PMF1: variants seen among roughly 807,000 people sequenced by gnomAD.
The protein encoded by PMF1 is polyamine modulated factor 1.
A neutral mutation model predicts 26.7 loss-of-function variants in PMF1; 21 were observed. The ratio of observed to expected loss-of-function variants is 0.79; its 90% CI spans 0.56 to 1.13. The LOEUF is 1.13. Among genes scored for constraint, PMF1 ranks in the 50% most tolerant of loss-of-function variants. The pLI is 0.00. For missense variants in PMF1, 266 were observed against 254.9 expected, an observed-to-expected ratio of 1.04 and a Z score of -0.30; for synonymous variants, 105 against 101.0, an observed-to-expected ratio of 1.04 and a Z score of -0.24.
At chr1:156,232,973 G>C (rs1658805967) in intron 2 of PMF1, among the ~76,000 whole-genome samples, 1 of 139,660 alleles carries the variant, frequency 7.2e-6, no homozygotes, top group Non-Finnish European at 1.5e-5. Flanking sequence ...AGGCTGGAGT[G>C]CAGTGGCGTG....
chr1:156,239,486 G>A lies in PMF1; in HGVS notation c.565-62G>A, dbSNP rs958600610. On this transcript the variant is annotated intron_variant, in intron 4 of 4. Coordinates refer to ENST00000368277, the MANE Select transcript of PMF1 (RefSeq NM_007221.4). ...CCCCAGGCCTGGAGTCAGGGACAGT[G>A]GAGGGCAAGGATTTGGGTTTTCTTA... 26 of 1,373,804 alleles carry A rather than the reference G, an allele frequency of 1.9e-5. No individual in the cohort carries two copies. In the Admixed American group the frequency reaches 4.0e-4, roughly 21 times the overall value. 85.1% of individuals were successfully genotyped at this position (1,373,804 alleles called of 1,614,324 possible). A position where few individuals can be genotyped will look rare whatever the true frequency, so the allele number is the denominator to read the frequency against.
At chr1:156,226,480 A>T (rs1658377737) in intron 1 of PMF1, among the ~76,000 whole-genome samples, 1 of 152,222 alleles carries the variant, frequency 6.6e-6, no homozygotes, top group South Asian at 2.1e-4. Flanking sequence ...AGCCTCATTC[A>T]CTAGCACCTG....
chr1:156,224,079 A>T (rs565432990), intron 1 of PMF1: 1 of 152,336 alleles, frequency 6.6e-6, no homozygotes, highest in South Asian at 2.1e-4. Context: ...TTTTCCCAGC[A>T]GTTTTCAAAG....
rs73006799 is a variant in PMF1 at position 156,225,616 on chromosome 1, C to T, written c.162-6704C>T. The T allele has an allele frequency of 4.2e-4, 659 of 1,564,718 alleles. 2 individuals carry two copies. In the African/African-American group the frequency reaches 8.2e-3, roughly 19 times the overall value. ...CCCCGCCTGCCCTCTGGTGGACAGT[C>T]TGTGAAACAGGCCTTCAGTTGGGCG... is the stretch of plus-strand genomic sequence containing the variant. On this transcript the variant is annotated intron_variant, in intron 1 of 4. Transcript: ENST00000368277.
At chr1:156,215,032 C>T (rs1164812493) in intron 1 of PMF1, among the ~76,000 whole-genome samples, 4 of 151,802 alleles carry the variant, frequency 2.6e-5, no homozygotes, top group Non-Finnish European at 5.9e-5. Context: ...TGCCTGCTAC[C>T]ACGGCCAGCT....
intron 3 of PMF1, among the ~76,000 whole-genome samples, chr1:156,235,039 A>G (rs1572504305): frequency 6.6e-6 from 1 of 152,178 alleles, no homozygotes; most frequent in Non-Finnish European, 1.5e-5. Context: ...GAGGGAGTAG[A>G]AATCTTTTTT....
intron 1 of PMF1, among the ~76,000 whole-genome samples, chr1:156,227,092 G>A (rs1658409558): frequency 6.6e-6 from 1 of 152,178 alleles, no homozygotes; most frequent in Non-Finnish European, 1.5e-5. Flanking sequence ...CATCTGACAT[G>A]GTTGTGGGCA....
chr1:156,233,148 T>G (rs115386029), intron 2 of PMF1, among the ~76,000 whole-genome samples: 6,293 of 151,966 alleles, frequency 0.041, 454 homozygotes, highest in African/African-American at 0.15. Context: ...TTTTATTTCC[T>G]TAATTATTTT....
At chr1:156,233,103 AAAAT>A (rs1335875819) in intron 2 of PMF1, among the ~76,000 whole-genome samples, 4 of 152,026 alleles carry the variant, frequency 2.6e-5, no homozygotes, top group South Asian at 2.1e-4. Flanking sequence ...TTTTTAAATA[AAAAT>A]AAATAAATAA....
intron 4 of PMF1, chr1:156,236,718 G>A (rs1659039753): frequency 2.5e-5 from 15 of 603,090 alleles, no homozygotes; most frequent in Middle Eastern, 4.5e-4. Flanking sequence ...TTCCCCTGAT[G>A]GAGCAGGTGA....
chr1:156,225,454 C>G, intron 1 of PMF1: 1 of 676,410 alleles, frequency 1.5e-6, no homozygotes, highest in East Asian at 2.7e-5. Flanking sequence ...ACCCCCCTCC[C>G]ACCCTTTCCC....
chr1:156,239,632 G>A lies in PMF1; in HGVS notation c.*31G>A, dbSNP rs368823840. On this transcript the variant is annotated 3_prime_UTR_variant, in exon 5 of 5. Coordinates refer to ENST00000368277, the MANE Select transcript of PMF1 (RefSeq NM_007221.4). The stretch of plus-strand genomic sequence containing the variant: ...CCGCCAGCCCCAGAAGCAGAGGGCA[G>A]TCAAGGTCAAGAGCCTGTGGTCCAG... 8 of 1,595,156 alleles carry A rather than the reference G, an allele frequency of 5.0e-6. No individual in the cohort carries two copies. The African/African-American group carries it at 1.1e-4, about 21-fold the overall frequency.
rs537194516 is a variant in PMF1, at chr1:156,235,885, C to T, written c.369-403C>T. The stretch of plus-strand genomic sequence containing the variant: ...CTGGGCCCTCTGTCAGGAGCCACCC[C>T]CAACCTCTCAAGCTCACAGTCTGGT... On this transcript the variant is annotated intron_variant, in intron 3 of 4. Transcript: ENST00000368277. Among the ~76,000 whole-genome samples the T allele has an allele frequency of 3.9e-5, 6 of 152,194 alleles. No homozygotes were observed. In the South Asian group the frequency reaches 6.2e-4, roughly 16 times the overall value.
intron 1 of PMF1, among the ~76,000 whole-genome samples, chr1:156,216,823 G>A (rs1657767782): frequency 6.6e-6 from 1 of 151,798 alleles, no homozygotes; most frequent in Non-Finnish European, 1.5e-5. Context: ...AGGGCCGATC[G>A]ACTCGCTGGC....
At chr1:156,219,933 A>G (rs1657989278) in intron 1 of PMF1, among the ~76,000 whole-genome samples, 1 of 145,810 alleles carries the variant, frequency 6.9e-6, no homozygotes, top group African/African-American at 2.6e-5. Context: ...TATTTTTTGT[A>G]GAAATGGGGT....
chr1:156,236,618 A>G (rs1464384901), intron 4 of PMF1, 135 bp downstream of exon 4: 3 of 1,171,328 alleles, frequency 2.6e-6, no homozygotes, highest in Admixed American at 2.8e-5. Context: ...GGGAACAGTC[A>G]TGAATTACCT....
At chr1:156,237,408 A>T (rs1659083736) in intron 4 of PMF1, 1 of 150,018 alleles carries the variant, frequency 6.7e-6, no homozygotes, top group African/African-American at 2.5e-5. Flanking sequence ...TATGAGATCA[A>T]CTTTTCTCTG....
At position 156,236,341 on chromosome 1, in the gene PMF1, T is replaced by A; in HGVS notation, c.422T>A (p.Phe141Tyr). 6.2e-7 allele frequency: 1 copy of A among 1,614,134 alleles called. No individual in the cohort carries two copies. The highest frequency in any genetic ancestry group is 8.5e-7 in the Non-Finnish European group (1 of 1,180,016). ...KDLHSVMAPY[F>Y]LQQRDTLRRH... ...CTGCACAGTGTTATGGCACCCTACT[T>A]CCTGCAGCAACGGGACACCCTGCGG... Residue 141 changes from phenylalanine (F) to tyrosine (Y), a missense_variant, in exon 4 of 5, where the codon TTC (phenylalanine) becomes TAC (tyrosine). By Grantham distance (22) the Phe-to-Tyr change is conservative. Transcript: ENST00000368277.
intron 4 of PMF1, 85 bp downstream of exon 4, chr1:156,236,568 A>C: frequency 6.7e-7 from 1 of 1,486,898 alleles, no homozygotes; most frequent in Non-Finnish European, 9.0e-7. Flanking sequence ...CCATTCCAAC[A>C]CAGGGGACCC....
Sources: gnomAD v4.1 joint callset for allele counts (sites outside exome capture counted in the v4.1 genomes callset) on GRCh38, gnomAD v4.1.1 for gene constraint, MANE v1.5 for transcripts, NCBI Gene and HGNC (gene_info 2026-07-23, HGNC 2026-07-21) for gene names.